Variants in SUGCT observed in about 807,000 individuals in gnomAD.
SUGCT encodes succinyl-CoA:glutarate CoA-transferase.
A neutral mutation model predicts 55.0 loss-of-function variants in SUGCT; 41 were observed. That is an observed-to-expected ratio of 0.74 (90% CI 0.58 to 0.97). The LOEUF (loss-of-function observed/expected upper bound fraction) is 0.97, where lower values mean the gene tolerates loss of function less well. SUGCT is among the 50% of genes least tolerant of loss of function. The pLI, the probability that SUGCT is intolerant of heterozygous loss-of-function variation, is 0.00. For synonymous variants in SUGCT, 187 were observed against 200.4 expected, an observed-to-expected ratio of 0.93 and a Z score of 0.56; for missense variants, 568 against 547.8, an observed-to-expected ratio of 1.04 and a Z score of -0.37.
chr7:40,982,650 T>C, the SUGCT span, among the ~76,000 whole-genome samples: 1 of 152,074 alleles, frequency 6.6e-6, no homozygotes. Context: ...GCAGTATCTC[T>C]TTTTGATTTT....
chr7:40,441,283 T>C (rs185431328), intron 9 of SUGCT, among the ~76,000 whole-genome samples: 169 of 152,322 alleles, frequency 1.1e-3, no homozygotes, highest in African/African-American at 3.9e-3. Flanking sequence ...CACAGGTTAA[T>C]TATTAATAAA....
intron 9 of SUGCT, among the ~76,000 whole-genome samples, chr7:40,380,398 T>C (rs1156409499): frequency 6.6e-6 from 1 of 152,184 alleles, no homozygotes; most frequent in Non-Finnish European, 1.5e-5. Context: ...TTTTTGCCAA[T>C]CTTGTCATTG....
At chr7:40,227,829 A>G (rs1788468517) in intron 6 of SUGCT, among the ~76,000 whole-genome samples, 1 of 151,492 alleles carries the variant, frequency 6.6e-6, no homozygotes, top group South Asian at 2.1e-4. Context: ...ATAAGTAAAA[A>G]TAATCATAAT....
chr7:40,898,171 G>T, the SUGCT span, among the ~76,000 whole-genome samples: 21 of 152,110 alleles, frequency 1.4e-4, no homozygotes, highest in Non-Finnish European at 2.2e-4. Flanking sequence ...AACTTAAGTC[G>T]GGAGGACTGA....
the SUGCT span, among the ~76,000 whole-genome samples, chr7:40,869,924 A>G: frequency 1.3e-5 from 2 of 152,226 alleles, no homozygotes; most frequent in Non-Finnish European, 2.9e-5. Context: ...ATATCGTAAC[A>G]GGATGTACAT....
chr7:40,588,322 G>A (rs1474346650), intron 12 of SUGCT, among the ~76,000 whole-genome samples: 5 of 151,864 alleles, frequency 3.3e-5, no homozygotes, highest in East Asian at 1.9e-4. Context: ...ATGCTGGTGC[G>A]CTGCATGCGA....
chr7:40,411,209 A>G (rs1287766872), intron 9 of SUGCT, among the ~76,000 whole-genome samples: 1 of 152,152 alleles, frequency 6.6e-6, no homozygotes, highest in Non-Finnish European at 1.5e-5. Flanking sequence ...CCTGGCCAAC[A>G]TGGTGAAACC....
chr7:41,028,155 C>T, the SUGCT span, among the ~76,000 whole-genome samples: 1 of 152,236 alleles, frequency 6.6e-6, no homozygotes, highest in African/African-American at 2.4e-5. Flanking sequence ...TCCCTACATC[C>T]TATCCACAAA....
chr7:40,309,419 C>T (rs545750456), intron 8 of SUGCT, among the ~76,000 whole-genome samples: 3 of 152,220 alleles, frequency 2.0e-5, no homozygotes, highest in South Asian at 4.1e-4. Context: ...CTCAGCCTTC[C>T]GTGTAGCTGG....
At chr7:40,235,225 C>A (rs1258883522) in intron 6 of SUGCT, among the ~76,000 whole-genome samples, 1 of 152,088 alleles carries the variant, frequency 6.6e-6, no homozygotes, top group African/African-American at 2.4e-5. Context: ...TGACAAAGAT[C>A]ATTTCTGGTG....
At chr7:40,474,144 A>G (rs1224481743) in intron 11 of SUGCT, among the ~76,000 whole-genome samples, 1 of 152,184 alleles carries the variant, frequency 6.6e-6, no homozygotes, top group African/African-American at 2.4e-5. Flanking sequence ...AATTATTTAA[A>G]GTAGTTTACT....
chr7:40,722,550 T>A (rs1786399762), intron 12 of SUGCT, among the ~76,000 whole-genome samples: 1 of 152,168 alleles, frequency 6.6e-6, no homozygotes, highest in Non-Finnish European at 1.5e-5. Context: ...GAAAATGGAC[T>A]TTTTTGCTTC....
the SUGCT span, among the ~76,000 whole-genome samples, chr7:40,928,743 GCA>G: frequency 6.6e-6 from 1 of 151,772 alleles, no homozygotes; most frequent in Non-Finnish European, 1.5e-5. Flanking sequence ...GGGACTACAG[GCA>G]CGCACCACCA....
intron 1 of SUGCT, among the ~76,000 whole-genome samples, chr7:40,169,797 A>G (rs930858966): frequency 3.3e-5 from 5 of 151,792 alleles, no homozygotes; most frequent in Admixed American, 2.6e-4. Context: ...TCTCTATTAT[A>G]AAAACTGAGG....
intron 9 of SUGCT, among the ~76,000 whole-genome samples, chr7:40,427,542 C>T (rs1787650830): frequency 6.6e-6 from 1 of 152,090 alleles, no homozygotes; most frequent in African/African-American, 2.4e-5. Flanking sequence ...ACATTATGAG[C>T]AATGTTTGAA....
intron 8 of SUGCT, among the ~76,000 whole-genome samples, chr7:40,311,004 A>G (rs1017852417): frequency 6.6e-6 from 1 of 152,210 alleles, no homozygotes; most frequent in Non-Finnish European, 1.5e-5. Context: ...TATCACAGGC[A>G]TCTCAAATTC....
At chr7:40,837,223 C>T (rs150680416) in intron 13 of SUGCT, among the ~76,000 whole-genome samples, 195 of 152,270 alleles carry the variant, frequency 1.3e-3, no homozygotes, top group African/African-American at 4.4e-3. Flanking sequence ...TTAGCCACCT[C>T]CATATTATCT....
intron 9 of SUGCT, among the ~76,000 whole-genome samples, chr7:40,331,455 T>C (rs906100321): frequency 2.6e-5 from 4 of 152,196 alleles, no homozygotes; most frequent in African/African-American, 9.7e-5. Flanking sequence ...TTTCTTCATG[T>C]ATAAAATAGG....
intron 7 of SUGCT, among the ~76,000 whole-genome samples, chr7:40,242,933 ATTTT>A (rs70996894): frequency 2.3e-3 from 39 of 17,178 alleles, no homozygotes; most frequent in Admixed American, 0.011. Flanking sequence ...ATATATATAT[ATTTT>A]TTTTTTTTTT....
Sources: allele counts gnomAD v4.1 joint callset (sites outside exome capture counted in the v4.1 genomes callset), GRCh38; gene constraint gnomAD v4.1.1; transcripts MANE v1.5; gene names NCBI Gene and HGNC (gene_info 2026-07-23, HGNC 2026-07-21).